P3H3: variants seen among roughly 807,000 people sequenced by gnomAD.
P3H3 encodes the protein gene rich cluster, B.
A neutral mutation model predicts 78.1 loss-of-function variants in P3H3; 64 were observed. That is an observed-to-expected ratio of 0.82 (90% CI 0.67 to 1.01). The LOEUF (loss-of-function observed/expected upper bound fraction) is 1.01. Among genes scored for constraint, P3H3 ranks in the 50% least tolerant of loss-of-function variants. The pLI, the probability that P3H3 is intolerant of heterozygous loss-of-function variation, is 0.00. For missense variants in P3H3, 975 were observed against 982.2 expected (o/e 0.99, Z 0.10); for synonymous variants, 425 against 416.7 (o/e 1.02, Z -0.24).
chr12:6,836,442 T>C (rs1007112510), intron 9 of P3H3, among the ~76,000 whole-genome samples: 25 of 152,090 alleles, frequency 1.6e-4, no homozygotes, highest in Non-Finnish European at 5.9e-5. Flanking sequence ...CGGAGGTGGC[T>C]GGGTAGTTGT....
intron 9 of P3H3, 47 bp from the exon 10 acceptor site, chr12:6,836,938 G>T: frequency 2.1e-6 from 3 of 1,427,948 alleles, no homozygotes. Context: ...CCTGCAGACA[G>T]TGAGGGGCTG....
chr12:6,839,536 A>G lies in P3H3; in HGVS notation c.*75A>G. 3.4e-6 allele frequency: 5 copies of G among 1,478,062 alleles called. No individual in the cohort carries two copies. Among genetic ancestry groups the G allele is most frequent in the Non-Finnish European group, 4.5e-6 (5 of 1,102,020 alleles). 91.6% of individuals were successfully genotyped at this position (1,478,062 alleles called of 1,614,324 possible). On this transcript the variant is annotated 3_prime_UTR_variant, in exon 15 of 15. Transcript: ENST00000290510. ...CATCTTGATGCCAGGACACACAGGA[A>G]GCCCCTGTGTGACATCAGGAGCAGA...
intron 9 of P3H3, among the ~76,000 whole-genome samples, chr12:6,836,280 G>A (rs1471867030): frequency 6.6e-6 from 1 of 151,616 alleles, no homozygotes; most frequent in Admixed American, 6.6e-5. Context: ...GTGACTAGGT[G>A]TCTCTCAGAA....
At chr12:6,835,223 G>A (rs183569910) in intron 9 of P3H3, among the ~76,000 whole-genome samples, 1 of 152,268 alleles carries the variant, frequency 6.6e-6, no homozygotes, top group African/African-American at 2.4e-5. Flanking sequence ...GATAATAATA[G>A]TGTTTTTGTC....
intron 2 of P3H3, 89 bp downstream of exon 2, chr12:6,830,100 G>T: frequency 6.6e-7 from 1 of 1,525,074 alleles, no homozygotes; most frequent in South Asian, 1.2e-5. Context: ...TGTGCTGCTT[G>T]AGCATACAGA....
rs782470685 is a variant in P3H3 at position 6,833,662 on chromosome 12, G to A, written c.1265+18G>A. On this transcript the variant is annotated intron_variant, in intron 7 of 14. Coordinates refer to ENST00000290510, the MANE Select transcript of P3H3 (RefSeq NM_014262.5). ...AAGCTCAGGTAGGATATGCCCCATGGTGGGAGGGGCTTGGCCCGAGCTGGG... is the reference window on the plus strand; with the variant it reads ...AAGCTCAGGTAGGATATGCCCCATGATGGGAGGGGCTTGGCCCGAGCTGGG... 178 of 1,612,266 alleles carry A rather than the reference G, an allele frequency of 1.1e-4. 1 individual carries two copies. In the South Asian group the frequency reaches 1.7e-3, roughly 16 times the overall value.
chr12:6,837,989 G>A lies in P3H3; in HGVS notation c.1861G>A (p.Gly621Ser). The A allele has an allele frequency of 3.1e-6, 5 of 1,608,926 alleles. No homozygotes were observed. Among genetic ancestry groups the A allele is most frequent in the Non-Finnish European group, 4.2e-6 (5 of 1,177,546 alleles). ...GLLYLNDDFQGGDLFFTEPNA... is the reference protein window; with the variant it reads ...GLLYLNDDFQSGDLFFTEPNA... ...CCTCTACCTCAACGATGACTTCCAG[G>A]GTGGGGACCTGTTCTTCACGGAGCC... The change falls in exon 13 of 15, where the codon GGT becomes AGT. Residue 621 changes from glycine to serine, a missense_variant. Coordinates refer to ENST00000290510, the MANE Select transcript of P3H3 (RefSeq NM_014262.5).
At position 6,831,469 on chromosome 12, in the gene P3H3, A is replaced by C; in HGVS notation, c.1122+117A>C. On this transcript the variant is annotated intron_variant, in intron 5 of 14. Transcript: ENST00000290510. This position sits in a 1 kb window ranked among gnomAD's most constrained non-coding sequence, Gnocchi z 4.6. ...CTTACCCGAGCACTCTAGTCACCCAAAGGACTCCAAGTCCAGCATCTGACT... is the reference window on the plus strand; with the variant it reads ...CTTACCCGAGCACTCTAGTCACCCACAGGACTCCAAGTCCAGCATCTGACT... 3 of 1,368,750 alleles carry C rather than the reference A, an allele frequency of 2.2e-6. No individual in the cohort carries two copies. The highest frequency in any genetic ancestry group is 3.0e-6 in the Non-Finnish European group (3 of 1,013,368). 84.8% of individuals were successfully genotyped at this position (1,368,750 alleles called of 1,614,324 possible). A position where few individuals can be genotyped will look rare whatever the true frequency, so the allele number is the denominator to read the frequency against.
Position 6,834,010 on chromosome 12 carries a change from C to A in P3H3, c.1419C>A (p.Leu473=). The change falls in exon 9 of 15, where the codon CTC becomes CTA. Residue 473 remains leucine, a synonymous_variant. Coordinates refer to ENST00000290510, the MANE Select transcript of P3H3 (RefSeq NM_014262.5). ...GSERAVLDGL[L]TPAECGVLLQ... is the part of the protein sequence containing the mutation. ...AGCGGGCGGTGTTGGATGGGCTGCT[C>A]ACCCCAGCCGAGTGTGGGGTGCTGC... is the stretch of plus-strand genomic sequence containing the variant. 6.2e-7 allele frequency: 1 copy of A among 1,613,768 alleles called. No homozygotes were observed. The highest frequency in any genetic ancestry group is 8.5e-7 in the Non-Finnish European group (1 of 1,179,878).
Position 6,839,732 on chromosome 12 carries a change from A to C in P3H3, c.*271A>C. ...AGATGGGGAACACTGTGCCTCCCTG[A>C]ACAGAAATGGCAGGGGAGGAGGCTG... On this transcript the variant is annotated 3_prime_UTR_variant, in exon 15 of 15. Coordinates refer to ENST00000290510, the MANE Select transcript of P3H3 (RefSeq NM_014262.5). The C allele has an allele frequency of 2.1e-6, 1 of 473,046 alleles. No individual in the cohort carries two copies. Among genetic ancestry groups the C allele is most frequent in the South Asian group, 3.7e-5 (1 of 27,358 alleles). 29.3% of individuals were successfully genotyped at this position (473,046 alleles called of 1,614,324 possible).
intron 12 of P3H3, 26 bp downstream of exon 12, chr12:6,837,875 C>T: frequency 6.3e-7 from 1 of 1,596,888 alleles, no homozygotes; most frequent in Non-Finnish European, 8.5e-7. Flanking sequence ...AGTGGTCAGG[C>T]AGGTGGGCAG....
At position 6,829,248 on chromosome 12, in the gene P3H3, C is replaced by A. The variant is rs1043708786; in HGVS notation, c.498+310C>A. 4 of 326,706 alleles carry A rather than the reference C, an allele frequency of 1.2e-5. No homozygotes were observed. The highest frequency in any genetic ancestry group is 4.9e-5 in the Admixed American group (1 of 20,320). The allele number at this position is 326,706 out of a possible 1,614,324, so 20.2% of individuals were successfully genotyped here. A position where few individuals can be genotyped will look rare whatever the true frequency, so the allele number is the denominator to read the frequency against. On this transcript the variant is annotated intron_variant, in intron 1 of 14. Coordinates refer to ENST00000290510, the MANE Select transcript of P3H3 (RefSeq NM_014262.5). The surrounding 1 kb of genome is among the most constrained non-coding windows in gnomAD (Gnocchi z 5.1). ...AGGAATGAAGCGGAGGCGGTGGGGG[C>A]GAAACCGGCTCTCGGACGGGAAGTG...
At position 6,828,707 on chromosome 12, in the gene P3H3, C is replaced by A; in HGVS notation, c.267C>A (p.Leu89=). Reference sequence around the variant, plus strand: ...GCGCGGCCGATCCGGGCGCCGCGCTCCCCGCCGTGCTTCTCGGGGCCCCGG... The same window carrying A: ...GCGCGGCCGATCCGGGCGCCGCGCTACCCGCCGTGCTTCTCGGGGCCCCGG... ...ASCAADPGAA[L]PAVLLGAPEP... is the part of the protein sequence containing the mutation. Residue 89 remains leucine (L), a synonymous_variant, in exon 1 of 15, where the codon CTC becomes CTA. Transcript: ENST00000290510. The A allele has an allele frequency of 8.0e-7, 1 of 1,246,208 alleles. No homozygotes were observed. Among genetic ancestry groups the A allele is most frequent in the South Asian group, 3.3e-5 (1 of 30,516 alleles). The allele number at this position is 1,246,208 out of a possible 1,614,324, so 77.2% of individuals were successfully genotyped here. A position where few individuals can be genotyped will look rare whatever the true frequency, so the allele number is the denominator to read the frequency against.
intron 4 of P3H3, 59 bp downstream of exon 4, chr12:6,830,829 C>T (rs782019240): frequency 5.3e-5 from 85 of 1,599,784 alleles, no homozygotes; most frequent in Non-Finnish European, 7.2e-5. Context: ...CTATCCTGAG[C>T]TCCATCTCTC....
chr12:6,828,419 G>T lies in P3H3; in HGVS notation c.-22G>T, dbSNP rs781854295. 2.1e-5 allele frequency: 7 copies of T among 336,266 alleles called. No homozygotes were observed. Among genetic ancestry groups the T allele is most frequent in the Admixed American group, 5.2e-5 (1 of 19,308 alleles). The allele number at this position is 336,266 out of a possible 1,614,324, so 20.8% of individuals were successfully genotyped here. ...CCTCTCGGCTCCCGCATTTCCCCTC[G>T]GCTGCCGGCGGCTCCGACATCATGC... On this transcript the variant is annotated 5_prime_UTR_variant, in exon 1 of 15. Transcript: ENST00000290510.
Position 6,833,987 on chromosome 12 carries a change from C to A in P3H3, c.1396C>A (p.Arg466=). 1 of 1,613,774 alleles carries A rather than the reference C, an allele frequency of 6.2e-7. No homozygotes were observed. Among genetic ancestry groups the A allele is most frequent in the Non-Finnish European group, 8.5e-7 (1 of 1,179,868 alleles). The change falls in exon 9 of 15, where the codon CGG becomes AGG. Residue 466 remains arginine, a synonymous_variant. Transcript: ENST00000290510. ...QDSRQLNGSE[R]AVLDGLLTPA... The stretch of plus-strand genomic sequence containing the variant: ...TTCCAGGCAGCTGAATGGGTCGGAG[C>A]GGGCGGTGTTGGATGGGCTGCTCAC...
Position 6,828,823 on chromosome 12 carries a change from G to T in P3H3, c.383G>T (p.Cys128Phe). The change falls in exon 1 of 15, where the codon TGC becomes TTC. Residue 128 changes from cysteine (C) to phenylalanine (F), a missense_variant. Coordinates refer to ENST00000290510, the MANE Select transcript of P3H3 (RefSeq NM_014262.5). ...CGCCGCGCAGACTGCCTGACCCAGT[G>T]CGCAGCACGGAGGCTGGGCCCCGGG... is the stretch of plus-strand genomic sequence containing the variant. Reference protein sequence around the residue: ...ALRRADCLTQCAARRLGPGGA... With the variant: ...ALRRADCLTQFAARRLGPGGA... The T allele has an allele frequency of 8.1e-7, 1 of 1,239,124 alleles. No individual in the cohort carries two copies. The highest frequency in any genetic ancestry group is 1.0e-6 in the Non-Finnish European group (1 of 991,216). The allele number at this position is 1,239,124 out of a possible 1,614,324, so 76.8% of individuals were successfully genotyped here.
intron 13 of P3H3, 96 bp downstream of exon 13, chr12:6,838,129 G>C: frequency 4.7e-6 from 7 of 1,502,376 alleles, no homozygotes; most frequent in Non-Finnish European, 6.3e-6. Context: ...CAGGGAAATG[G>C]CCAGGGCTTT....
In P3H3 at chr12:6,830,639, G is replaced by C. The variant is rs782246541; in HGVS notation, c.854G>C (p.Gly285Ala). Residue 285 changes from glycine (G) to alanine (A), a missense_variant and splice_region_variant, in exon 4 of 15, where the codon GGA (glycine) becomes GCA (alanine). Transcript: ENST00000290510. Reference sequence around the variant, plus strand: ...AATGGCTTATGGGTTTCCTCTGCAGGACACTGGATTCAGGTCCTGCAGTGC... The same window carrying C: ...AATGGCTTATGGGTTTCCTCTGCAGCACACTGGATTCAGGTCCTGCAGTGC... ...SQGGLYEAIA[G>A]HWIQVLQCRQ... 13 of 1,611,098 alleles carry C rather than the reference G, an allele frequency of 8.1e-6. No individual in the cohort carries two copies. Among genetic ancestry groups the C allele is most frequent in the Non-Finnish European group, 9.3e-6 (11 of 1,178,756 alleles).
Sources: gnomAD v4.1 joint callset for allele counts (sites outside exome capture counted in the v4.1 genomes callset) on GRCh38, gnomAD v4.1.1 for gene constraint, Gnocchi (gnomAD v3.1) non-coding constraint, MANE v1.5 for transcripts, NCBI Gene and HGNC (gene_info 2026-07-23, HGNC 2026-07-21) for gene names.